Variants in AGPAT3 observed in about 807,000 individuals in gnomAD.
AGPAT3 encodes 1-acyl-sn-glycerol-3-phosphate acyltransferase gamma.
AGPAT3 carries 5 observed loss-of-function variants against 47.3 expected under a neutral mutation model. The ratio of observed to expected loss-of-function variants is 0.11; its 90% confidence interval spans 0.06 to 0.22. AGPAT3 has a LOEUF of 0.22. AGPAT3 is among the 10% of genes least tolerant of loss of function. AGPAT3 has a pLI of 1.00. For missense variants in AGPAT3, 315 were observed against 493.0 expected, an observed-to-expected ratio of 0.64 and a Z score of 3.42; for synonymous variants, 212 against 208.3, an observed-to-expected ratio of 1.02 and a Z score of -0.15.
intron 2 of AGPAT3, among the ~76,000 whole-genome samples, chr21:43,944,464 A>G (rs1434322794): frequency 6.6e-6 from 1 of 152,034 alleles, no homozygotes; most frequent in Non-Finnish European, 1.5e-5. Context: ...ACTCCAGGGC[A>G]CTCTCTTTCC....
intron 1 of AGPAT3, among the ~76,000 whole-genome samples, chr21:43,878,732 T>A (rs1443779464): frequency 6.7e-6 from 1 of 148,334 alleles, no homozygotes; most frequent in African/African-American, 2.6e-5. Flanking sequence ...TTATTTCCAT[T>A]TGTCTTTTTT....
intron 2 of AGPAT3, among the ~76,000 whole-genome samples, chr21:43,924,274 C>T (rs2086986597): frequency 6.6e-6 from 1 of 151,908 alleles, no homozygotes; most frequent in African/African-American, 2.4e-5. Context: ...ACCCGCCCGC[C>T]TCGGCCTCCC....
At chr21:43,912,746 G>A (rs964755015) in intron 2 of AGPAT3, among the ~76,000 whole-genome samples, 7 of 152,196 alleles carry the variant, frequency 4.6e-5, no homozygotes, top group Non-Finnish European at 7.3e-5. Flanking sequence ...CCTGTGTCCC[G>A]GGATAAACCA....
rs1456674988 is a variant in AGPAT3, at chr21:43,934,446, C to T, written c.-48-25188C>T. Among the ~76,000 whole-genome samples, 11 of 152,368 alleles carry T rather than the reference C, an allele frequency of 7.2e-5. No individual in the cohort carries two copies. Among genetic ancestry groups the T allele is most frequent in the Non-Finnish European group, 8.8e-5 (6 of 68,040 alleles). On this transcript the variant is annotated intron_variant, in intron 2 of 9. Coordinates refer to ENST00000291572, the MANE Select transcript of AGPAT3 (RefSeq NM_020132.5). The surrounding 1 kb of genome is among the most constrained non-coding windows in gnomAD (Gnocchi z 4.7). ...CCTGGCCTGCGTGGCAGCGCAACCT[C>T]GTTGGTAGAGTCAGGAGGCTGGGCC... is the stretch of plus-strand genomic sequence containing the variant.
At chr21:43,906,378 T>G (rs1459135181) in intron 2 of AGPAT3, among the ~76,000 whole-genome samples, 1 of 152,110 alleles carries the variant, frequency 6.6e-6, no homozygotes, top group African/African-American at 2.4e-5. Context: ...AGCAAAATGT[T>G]TGTCCATGAC....
intron 1 of AGPAT3, among the ~76,000 whole-genome samples, chr21:43,892,542 G>A (rs2086124577): frequency 6.6e-6 from 1 of 152,200 alleles, no homozygotes; most frequent in Admixed American, 6.5e-5. Context: ...GTAAGCAGGT[G>A]TGCTGTCATC....
chr21:43,893,454 T>C (rs1184313712), intron 1 of AGPAT3, among the ~76,000 whole-genome samples: 1 of 152,272 alleles, frequency 6.6e-6, no homozygotes, highest in African/African-American at 2.4e-5. Flanking sequence ...TTATCATTTG[T>C]GTGTTTACCT....
chr21:43,942,948 G>A (rs1490969890), intron 2 of AGPAT3, among the ~76,000 whole-genome samples: 1 of 152,240 alleles, frequency 6.6e-6, no homozygotes, highest in Non-Finnish European at 1.5e-5. Flanking sequence ...GCCTGTTGGG[G>A]ATGGAGGAAG....
chr21:43,960,938 C>G (rs922147701), intron 3 of AGPAT3, among the ~76,000 whole-genome samples: 4 of 152,080 alleles, frequency 2.6e-5, no homozygotes, highest in African/African-American at 7.2e-5. Flanking sequence ...GTCAGGAGTT[C>G]AAGGCCAGCC....
At chr21:43,890,866 T>C (rs1473474071) in intron 1 of AGPAT3, among the ~76,000 whole-genome samples, 2 of 152,090 alleles carry the variant, frequency 1.3e-5, no homozygotes, top group Admixed American at 1.3e-4. Context: ...GCCTCCTGAG[T>C]AGCTGGGACT....
At chr21:43,941,946 C>T (rs2087671597) in intron 2 of AGPAT3, among the ~76,000 whole-genome samples, 1 of 152,282 alleles carries the variant, frequency 6.6e-6, no homozygotes, top group South Asian at 2.1e-4. Flanking sequence ...TCGTAATTGG[C>T]TTATGCCAAG....
chr21:43,973,249 A>T (rs2089470168), intron 7 of AGPAT3, among the ~76,000 whole-genome samples: 1 of 152,028 alleles, frequency 6.6e-6, no homozygotes, highest in Non-Finnish European at 1.5e-5. Flanking sequence ...CCTGGGAGGG[A>T]GCTCTGAGCC....
At chr21:43,931,796 A>G (rs922990126) in intron 2 of AGPAT3, among the ~76,000 whole-genome samples, 1 of 152,186 alleles carries the variant, frequency 6.6e-6, no homozygotes, top group Non-Finnish European at 1.5e-5. Flanking sequence ...TTTCAAAATA[A>G]GTAAAACCAT....
chr21:43,873,443 C>T (rs1157363812), intron 1 of AGPAT3, among the ~76,000 whole-genome samples: 1 of 152,168 alleles, frequency 6.6e-6, no homozygotes, highest in Non-Finnish European at 1.5e-5. Context: ...GGAAGGAGAA[C>T]ACAGGGCTTC....
chr21:43,931,613 G>A (rs534673212), intron 2 of AGPAT3, among the ~76,000 whole-genome samples: 2 of 151,730 alleles, frequency 1.3e-5, no homozygotes, highest in African/African-American at 2.4e-5. Context: ...ACGCCACATC[G>A]GCCCCGTTAG....
chr21:43,945,624 C>T (rs1001916663), intron 2 of AGPAT3, among the ~76,000 whole-genome samples: 4 of 152,084 alleles, frequency 2.6e-5, no homozygotes, highest in African/African-American at 4.8e-5. Context: ...TGTCTTGGGT[C>T]GCCGCTGGCC....
intron 3 of AGPAT3, chr21:43,960,661 C>G: frequency 1.2e-6 from 1 of 807,988 alleles, no homozygotes; most frequent in Non-Finnish European, 1.5e-6. Flanking sequence ...ACCCAAGCAC[C>G]TGTCACTGGA....
In AGPAT3 at chr21:43,971,300, G is replaced by A. The variant is rs539803324; in HGVS notation, c.665-88G>A. On this transcript the variant is annotated intron_variant, in intron 6 of 9. Coordinates refer to ENST00000291572, the MANE Select transcript of AGPAT3 (RefSeq NM_020132.5). The stretch of plus-strand genomic sequence containing the variant: ...CACGCGTTCTCCCCAGGACGGGGCC[G>A]GGTCCCAGGTGGAACTTGCTTTTCC... 1.9e-5 allele frequency: 22 copies of A among 1,169,740 alleles called. No individual in the cohort carries two copies. The Admixed American group carries it at 2.3e-4, about 12-fold the overall frequency. 72.5% of individuals were successfully genotyped at this position (1,169,740 alleles called of 1,614,324 possible). A position where few individuals can be genotyped will look rare whatever the true frequency, so the allele number is the denominator to read the frequency against.
chr21:43,912,205 G>A (rs1156259718), intron 2 of AGPAT3, among the ~76,000 whole-genome samples: 1 of 152,246 alleles, frequency 6.6e-6, no homozygotes, highest in Non-Finnish European at 1.5e-5. Flanking sequence ...ACCACTGTGT[G>A]CCTTCAGTCC....
Sources: gnomAD v4.1 joint callset for allele counts (sites outside exome capture counted in the v4.1 genomes callset) on GRCh38, gnomAD v4.1.1 for gene constraint, Gnocchi (gnomAD v3.1) non-coding constraint, MANE v1.5 for transcripts, NCBI Gene and HGNC (gene_info 2026-07-23, HGNC 2026-07-21) for gene names.